Variants in SGCZ observed in about 807,000 individuals in gnomAD.
SGCZ encodes the protein sarcoglycan zeta, also known as zeta-sarcoglycan.
SGCZ carries 40 observed loss-of-function variants against 41.3 expected under a neutral mutation model. The observed-to-expected ratio is 0.97, with a 90% confidence interval of 0.75 to 1.26. The LOEUF (loss-of-function observed/expected upper bound fraction) is 1.26, where lower values mean the gene tolerates loss of function less well. Among genes scored for constraint, SGCZ ranks in the 50% most tolerant of loss-of-function variants. The pLI is 0.00. For synonymous variants in SGCZ, 206 were observed against 137.5 expected (o/e 1.50, Z -3.49); for missense variants, 552 against 369.8 (o/e 1.49, Z -4.04).
chr8:14,320,203 T>A (rs1801869917), intron 3 of SGCZ, among the ~76,000 whole-genome samples: 1 of 151,722 alleles, frequency 6.6e-6, no homozygotes, highest in Admixed American at 6.6e-5. Context: ...ATAAACTTTA[T>A]CTGCATTAAA....
intron 1 of SGCZ, among the ~76,000 whole-genome samples, chr8:14,582,102 T>A (rs78765388): frequency 0.021 from 3,219 of 152,224 alleles, 121 homozygotes; most frequent in African/African-American, 0.073. Flanking sequence ...AATAAATAAA[T>A]ATATTTTCTC....
chr8:14,309,474 C>A, intron 3 of SGCZ: 1 of 1,607,004 alleles, frequency 6.2e-7, no homozygotes, highest in Non-Finnish European at 8.5e-7. Context: ...GTATGTGGCG[C>A]TGTTGTTAAT....
At chr8:14,795,782 C>T (rs557900468) in intron 1 of SGCZ, among the ~76,000 whole-genome samples, 2 of 152,144 alleles carry the variant, frequency 1.3e-5, no homozygotes, top group African/African-American at 4.8e-5. Context: ...AGGTTTTAAG[C>T]CTAGTACCCA....
At chr8:14,692,842 A>G (rs112065262) in intron 1 of SGCZ, among the ~76,000 whole-genome samples, 5 of 152,214 alleles carry the variant, frequency 3.3e-5, no homozygotes, top group African/African-American at 1.2e-4. Context: ...ATAAATCTTG[A>G]GCATGAAACT....
At chr8:14,141,160 C>G (rs546021017) in intron 5 of SGCZ, among the ~76,000 whole-genome samples, 7 of 152,242 alleles carry the variant, frequency 4.6e-5, no homozygotes, top group African/African-American at 1.7e-4. Flanking sequence ...ACACCTTGTA[C>G]AAAAATTAAT....
chr8:14,680,915 T>G (rs1389225218), intron 1 of SGCZ, among the ~76,000 whole-genome samples: 2 of 112,718 alleles, frequency 1.8e-5, no homozygotes, highest in African/African-American at 7.6e-5. Context: ...AACTTGAAAA[T>G]ATGGCAACTT....
chr8:14,175,947 A>G (rs775372257), intron 4 of SGCZ, among the ~76,000 whole-genome samples: 1 of 152,188 alleles, frequency 6.6e-6, no homozygotes, highest in East Asian at 1.9e-4. Context: ...CAAAGCATTA[A>G]TATATCTATT....
chr8:14,982,542 G>A (rs1311960064), intron 1 of SGCZ, among the ~76,000 whole-genome samples: 1 of 152,066 alleles, frequency 6.6e-6, no homozygotes, highest in Non-Finnish European at 1.5e-5. Flanking sequence ...ATGCTATCTG[G>A]CAAATTATTC....
intron 1 of SGCZ, among the ~76,000 whole-genome samples, chr8:14,976,313 G>A (rs865878845): frequency 9.2e-5 from 14 of 151,860 alleles, no homozygotes; most frequent in Admixed American, 4.6e-4. Flanking sequence ...GTCAGCCACC[G>A]CGCCTGTCCC....
intron 5 of SGCZ, among the ~76,000 whole-genome samples, chr8:14,137,631 A>G (rs1803241721): frequency 6.6e-6 from 1 of 152,236 alleles, no homozygotes; most frequent in South Asian, 2.1e-4. Flanking sequence ...TTTAGAGAAA[A>G]AAAGAGTAAA....
intron 1 of SGCZ, among the ~76,000 whole-genome samples, chr8:14,995,557 T>A (rs1264179217): frequency 6.6e-6 from 1 of 152,212 alleles, no homozygotes; most frequent in Non-Finnish European, 1.5e-5. Flanking sequence ...ATTTTGGGGT[T>A]CATCCAAATG....
At chr8:14,820,886 T>C (rs1248617964) in intron 1 of SGCZ, among the ~76,000 whole-genome samples, 1 of 140,962 alleles carries the variant, frequency 7.1e-6, no homozygotes, top group Non-Finnish European at 1.5e-5. Context: ...CAAAAAAAGA[T>C]TTCAAATAAA....
intron 1 of SGCZ, among the ~76,000 whole-genome samples, chr8:14,801,682 C>G (rs1262177462): frequency 2.0e-5 from 3 of 152,024 alleles, no homozygotes; most frequent in Non-Finnish European, 4.4e-5. Flanking sequence ...GAAAATCAGG[C>G]AGAGACTAAA....
At chr8:14,675,122 A>G (rs1000073263) in intron 1 of SGCZ, among the ~76,000 whole-genome samples, 1 of 150,550 alleles carries the variant, frequency 6.6e-6, no homozygotes, top group Non-Finnish European at 1.5e-5. Context: ...TTGTATTTTT[A>G]GTAGAGACAG....
chr8:14,567,150 A>C (rs1412085105), intron 1 of SGCZ, among the ~76,000 whole-genome samples: 1 of 152,104 alleles, frequency 6.6e-6, no homozygotes, highest in Non-Finnish European at 1.5e-5. Context: ...GTGGCGTCGG[A>C]GCCCCCCCAG....
At chr8:14,498,010 C>G (rs936339519) in intron 2 of SGCZ, among the ~76,000 whole-genome samples, 1 of 152,136 alleles carries the variant, frequency 6.6e-6, no homozygotes, top group African/African-American at 2.4e-5. Flanking sequence ...ATTTTCTAAG[C>G]AAGTGGTGAA....
At chr8:14,988,141 G>T (rs551229179) in intron 1 of SGCZ, among the ~76,000 whole-genome samples, 2 of 151,788 alleles carry the variant, frequency 1.3e-5, no homozygotes, top group Admixed American at 6.6e-5. Flanking sequence ...ATATTTAGGG[G>T]ATACATCTCA....
intron 1 of SGCZ, among the ~76,000 whole-genome samples, chr8:14,846,923 T>A (rs923107995): frequency 2.0e-5 from 3 of 151,572 alleles, no homozygotes; most frequent in Non-Finnish European, 2.9e-5. Context: ...ACAAAAGAAA[T>A]TAGCTGGGCG....
chr8:14,157,277 A>C (rs1803903050), intron 5 of SGCZ, among the ~76,000 whole-genome samples: 1 of 148,808 alleles, frequency 6.7e-6, no homozygotes, highest in African/African-American at 2.4e-5. Context: ...TATATATAAA[A>C]TGTATATACA....
Sources: gnomAD v4.1 joint callset for allele counts (sites outside exome capture counted in the v4.1 genomes callset) on GRCh38, gnomAD v4.1.1 for gene constraint, MANE v1.5 for transcripts, NCBI Gene and HGNC (gene_info 2026-07-23, HGNC 2026-07-21) for gene names.